Variants in SLC35D2 observed in about 807,000 individuals in gnomAD.
SLC35D2 encodes the protein nucleotide sugar transporter SLC35D2.
Under a neutral mutation model 41.8 loss-of-function variants are expected in SLC35D2, and 43 were observed. The observed-to-expected ratio is 1.03, with a 90% CI of 0.81 to 1.33. SLC35D2 has a LOEUF of 1.33. SLC35D2 is among the 40% of genes most tolerant of loss of function. The pLI is 0.00. For missense variants in SLC35D2, 380 were observed against 408.4 expected (o/e 0.93, Z 0.60); for synonymous variants, 150 against 163.9 (o/e 0.92, Z 0.65).
At chr9:96,374,076 C>T (rs1396551577) in intron 1 of SLC35D2, 1 of 152,114 alleles carries the variant, frequency 6.6e-6, no homozygotes, top group East Asian at 1.9e-4. Context: ...TTTCAGTATG[C>T]TTGAAACTTT....
chr9:96,332,018 G>T (rs1353252528), intron 9 of SLC35D2, among the ~76,000 whole-genome samples: 1 of 152,178 alleles, frequency 6.6e-6, no homozygotes, highest in Non-Finnish European at 1.5e-5. Context: ...AAAGGTTGGG[G>T]ACTGCTGGTT....
At chr9:96,330,317 A>C (rs1277697228) in intron 9 of SLC35D2, among the ~76,000 whole-genome samples, 1 of 152,164 alleles carries the variant, frequency 6.6e-6, no homozygotes, top group African/African-American at 2.4e-5. Context: ...ACACATATAC[A>C]CACACACAGA....
chr9:96,348,762 T>C (rs919616814), intron 6 of SLC35D2, among the ~76,000 whole-genome samples: 8 of 152,164 alleles, frequency 5.3e-5, no homozygotes, highest in Non-Finnish European at 1.0e-4. Flanking sequence ...GAAAGTTAGA[T>C]GCTTTAGGAA....
intron 1 of SLC35D2, among the ~76,000 whole-genome samples, chr9:96,371,150 G>A (rs2131012512): frequency 6.6e-6 from 1 of 152,180 alleles, no homozygotes; most frequent in African/African-American, 2.4e-5. Context: ...TATAATTTAA[G>A]TTAAACCACC....
intron 4 of SLC35D2, among the ~76,000 whole-genome samples, 172 bp from the exon 5 acceptor site, chr9:96,352,281 T>TA (rs1330851027): frequency 2.0e-5 from 3 of 152,200 alleles, no homozygotes; most frequent in Admixed American, 2.0e-4. Context: ...AATAATTTCA[T>TA]ACCACTTTCA....
Position 96,321,194 on chromosome 9 carries a change from C to T in SLC35D2, c.*48G>A, listed in dbSNP as rs200653049. On this transcript the variant is annotated 3_prime_UTR_variant, in exon 12 of 12. Transcript: ENST00000253270. ...GCTTCACATTCCTACTGGGAATGCC[C>T]CCCCAGCCCGCAGTCACAAGTCAGT... 5.1e-5 allele frequency: 72 copies of T among 1,414,272 alleles called. No individual in the cohort carries two copies. The highest frequency in any genetic ancestry group is 1.8e-4 in the Middle Eastern group (1 of 5,636). The allele number at this position is 1,414,272 out of a possible 1,614,324, so 87.6% of individuals were successfully genotyped here.
chr9:96,367,232 A>AG (rs1321066430), intron 2 of SLC35D2, among the ~76,000 whole-genome samples: 1 of 151,874 alleles, frequency 6.6e-6, no homozygotes, highest in Non-Finnish European at 1.5e-5. Flanking sequence ...AAAAAAAAAA[A>AG]AAAAAAAGAA....
downstream of SLC35D2, among the ~76,000 whole-genome samples, chr9:96,318,501 A>T (rs1828110358): frequency 6.6e-6 from 1 of 152,092 alleles, no homozygotes; most frequent in African/African-American, 2.4e-5. Context: ...AAGCGTATTG[A>T]AACAGTAAAG....
At chr9:96,365,532 A>G (rs1830442096) in intron 2 of SLC35D2, among the ~76,000 whole-genome samples, 5 of 152,130 alleles carry the variant, frequency 3.3e-5, no homozygotes, top group African/African-American at 1.2e-4. Flanking sequence ...TATTTCCCAT[A>G]TACTAAGCAT....
At chr9:96,339,502 T>C (rs1687128281) in intron 8 of SLC35D2, among the ~76,000 whole-genome samples, 2 of 152,324 alleles carry the variant, frequency 1.3e-5, no homozygotes, top group South Asian at 4.1e-4. Context: ...ATGATTTATT[T>C]TTAAATCATA....
rs563934193 is a variant in SLC35D2 at position 96,337,188 on chromosome 9, T to C, written c.685-404A>G. 4.6e-5 allele frequency among the ~76,000 whole-genome samples: 7 copies of C among 152,260 alleles called. No individual in the cohort carries two copies. The South Asian group carries it at 1.4e-3, about 32-fold the overall frequency. ...GGTTGGGTTTATTTTTTATAAATCG[T>C]TTTAGAAGAAAGTTAATTATCTCTT... On this transcript the variant is annotated intron_variant, in intron 8 of 11. Transcript: ENST00000253270.
chr9:96,362,839 AT>A (rs1830328622), intron 3 of SLC35D2, among the ~76,000 whole-genome samples: 1 of 144,750 alleles, frequency 6.9e-6, no homozygotes, highest in Non-Finnish European at 1.5e-5. Context: ...TCAACCTTGT[AT>A]TTTTCTCTTT....
intron 10 of SLC35D2, among the ~76,000 whole-genome samples, chr9:96,323,103 T>C (rs1352930246): frequency 6.6e-6 from 1 of 151,348 alleles, no homozygotes; most frequent in South Asian, 2.1e-4. Context: ...AGTGAGTTAA[T>C]TATCTTGATC....
intron 2 of SLC35D2, among the ~76,000 whole-genome samples, chr9:96,366,973 C>G (rs983332914): frequency 2.0e-5 from 3 of 151,246 alleles, no homozygotes; most frequent in Non-Finnish European, 2.9e-5. Context: ...GTAATCCCAG[C>G]ACTTTGGGAG....
intron 2 of SLC35D2, among the ~76,000 whole-genome samples, chr9:96,365,424 T>G (rs1388328267): frequency 6.6e-6 from 1 of 151,366 alleles, no homozygotes. Context: ...GCTCTAGGAA[T>G]GAACTGTGGC....
At chr9:96,367,610 C>T (rs1830525751) in intron 2 of SLC35D2, among the ~76,000 whole-genome samples, 2 of 152,032 alleles carry the variant, frequency 1.3e-5, no homozygotes, top group South Asian at 4.1e-4. Context: ...TGGCGAAACC[C>T]CGTCTCTACT....
chr9:96,366,768 G>C (rs1830490225), intron 2 of SLC35D2, among the ~76,000 whole-genome samples: 1 of 150,214 alleles, frequency 6.7e-6, no homozygotes, highest in Middle Eastern at 3.2e-3. Context: ...GAGCCACCGT[G>C]CTCGGCCTGA....
intron 4 of SLC35D2, among the ~76,000 whole-genome samples, chr9:96,357,899 C>T (rs1016073129): frequency 2.0e-5 from 3 of 151,448 alleles, no homozygotes; most frequent in Non-Finnish European, 2.9e-5. Context: ...ATAAGCCAGG[C>T]GTGGTGGCAC....
At chr9:96,363,132 G>C (rs1830344928) in intron 3 of SLC35D2, among the ~76,000 whole-genome samples, 4 of 151,388 alleles carry the variant, frequency 2.6e-5, no homozygotes, top group Admixed American at 2.6e-4. Flanking sequence ...CTCCCGAAGT[G>C]CTGGGATTAC....
Sources: gnomAD v4.1 joint callset for allele counts (sites outside exome capture counted in the v4.1 genomes callset) on GRCh38, gnomAD v4.1.1 for gene constraint, MANE v1.5 for transcripts, NCBI Gene and HGNC (gene_info 2026-07-23, HGNC 2026-07-21) for gene names.